LAMA4: variants seen among roughly 807,000 people sequenced by gnomAD.
LAMA4 encodes the protein laminin subunit alpha-4.
A neutral mutation model predicts 207.1 loss-of-function variants in LAMA4; 127 were observed. That is an observed-to-expected ratio of 0.61 (90% CI 0.53 to 0.71). The LOEUF (loss-of-function observed/expected upper bound fraction) is 0.71, where lower values mean the gene tolerates loss of function less well. LAMA4 is among the 30% of genes least tolerant of loss of function. LAMA4 has a pLI of 0.00. For synonymous variants in LAMA4, 761 were observed against 816.0 expected (o/e 0.93, Z 1.15); for missense variants, 2,093 against 2,246.5 (o/e 0.93, Z 1.38).
chr6:112,130,104 G>A (rs1778940320), intron 29 of LAMA4, 64 bp from the exon 30 acceptor site: 3 of 1,407,604 alleles, frequency 2.1e-6, no homozygotes, highest in Non-Finnish European at 3.0e-6. Flanking sequence ...CCCACTCTAG[G>A]TTGGATAAGC....
upstream of LAMA4, chr6:112,254,583 A>C: frequency 3.8e-5 from 8 of 211,710 alleles, no homozygotes; most frequent in Non-Finnish European, 5.7e-5. Context: ...CATTCTCACC[A>C]CTCCCTTTTT....
chr6:112,129,979 C>G lies in LAMA4; in HGVS notation c.4030G>C (p.Glu1344Gln). Residue 1344 changes from glutamate (E) to glutamine (Q), a missense_variant, in exon 30 of 39, where the codon GAA becomes CAA. Physicochemically the swap from Glu to Gln is conservative, Grantham distance 29. Transcript: ENST00000230538. ...TTCTTTTCACTTGCTTGTGTCTGTT[C>G]TATTTTCCCTTTGGTAGGATTCTTA... is the stretch of plus-strand genomic sequence containing the variant. ...GSKNPTKGKI[E>Q]QTQASEKKFY... 4 of 1,613,232 alleles carry G rather than the reference C, an allele frequency of 2.5e-6. No homozygotes were observed. The highest frequency in any genetic ancestry group is 3.4e-6 in the Non-Finnish European group (4 of 1,179,448).
chr6:112,135,375 A>G (rs2114670852), intron 25 of LAMA4, among the ~76,000 whole-genome samples: 1 of 152,242 alleles, frequency 6.6e-6, no homozygotes, highest in African/African-American at 2.4e-5. Flanking sequence ...TTTTTTGGTG[A>G]CACAGTGAGC....
chr6:112,216,979 CT>C (rs1246493726), intron 2 of LAMA4, among the ~76,000 whole-genome samples: 1 of 152,168 alleles, frequency 6.6e-6, no homozygotes, highest in Non-Finnish European at 1.5e-5. Context: ...GCATCTGTTT[CT>C]TCAGATGCTA....
At position 112,108,311 on chromosome 6, in the gene LAMA4, C is replaced by G. The variant is rs1186081376; in HGVS notation, c.*1126G>C. 6.6e-6 allele frequency among the ~76,000 whole-genome samples: 1 copy of G among 152,042 alleles called. No homozygotes were observed. The highest frequency in any genetic ancestry group is 2.4e-5 in the African/African-American group (1 of 41,382). On this transcript the variant is annotated 3_prime_UTR_variant, in exon 39 of 39. Coordinates refer to ENST00000230538, the MANE Select transcript of LAMA4 (RefSeq NM_001105206.3). ...TTCATTTCTATATTTTAATATTCTA[C>G]CAGCTATTCAAGTCCATTTTTTTCT...
intron 11 of LAMA4, among the ~76,000 whole-genome samples, chr6:112,173,874 T>C (rs1384784448): frequency 2.6e-5 from 4 of 152,178 alleles, no homozygotes; most frequent in Non-Finnish European, 4.4e-5. Context: ...GAGTGTGTTC[T>C]AAAATGCATA....
At chr6:112,218,845 G>A (rs1486470564) in intron 2 of LAMA4, 1 of 152,320 alleles carries the variant, frequency 6.6e-6, no homozygotes. Context: ...AGGAGGGCTG[G>A]CAGGGAAACC....
At chr6:112,120,201 G>C in intron 33 of LAMA4, 82 bp downstream of exon 33, 1 of 1,119,326 alleles carries the variant, frequency 8.9e-7, no homozygotes, top group Admixed American at 2.0e-5. Flanking sequence ...GATATTTCTA[G>C]AGAGAGTAAT....
At chr6:112,150,466 T>G in intron 17 of LAMA4, 45 bp downstream of exon 17, 1 of 1,147,158 alleles carries the variant, frequency 8.7e-7, no homozygotes, top group Non-Finnish European at 1.3e-6. Context: ...TACCTTACAC[T>G]CCAGTGAATC....
intron 28 of LAMA4, 145 bp downstream of exon 28, chr6:112,132,608 G>T: frequency 1.3e-6 from 1 of 744,638 alleles, no homozygotes; most frequent in Non-Finnish European, 2.2e-6. Flanking sequence ...TTTATAAAGT[G>T]TTTGAAATGA....
chr6:112,211,728 A>G (rs1258843740), intron 3 of LAMA4, among the ~76,000 whole-genome samples: 1 of 152,220 alleles, frequency 6.6e-6, no homozygotes, highest in Non-Finnish European at 1.5e-5. Flanking sequence ...CTTTCAAGAA[A>G]TCTCAGGTAG....
intron 31 of LAMA4, among the ~76,000 whole-genome samples, chr6:112,127,382 G>A (rs1778760898): frequency 6.6e-6 from 1 of 151,930 alleles, no homozygotes; most frequent in Non-Finnish European, 1.5e-5. Context: ...AACAATTGTA[G>A]AAGGAGGAGA....
chr6:112,164,190 G>A (rs1183324660), intron 13 of LAMA4: 1 of 152,336 alleles, frequency 6.6e-6, no homozygotes, highest in Non-Finnish European at 1.5e-5. Flanking sequence ...AGATATGGTA[G>A]TTAAGGGTAT....
intron 38 of LAMA4, among the ~76,000 whole-genome samples, 153 bp downstream of exon 38, chr6:112,113,923 C>T (rs1393468386): frequency 3.3e-5 from 5 of 152,208 alleles, no homozygotes; most frequent in Admixed American, 3.3e-4. Flanking sequence ...TTACATGTCA[C>T]TTTATTATGC....
Position 112,254,469 on chromosome 6 carries a change from C to A in LAMA4, c.-152G>T. 2.3e-6 allele frequency: 1 copy of A among 429,980 alleles called. No individual in the cohort carries two copies. The highest frequency in any genetic ancestry group is 4.9e-5 in the East Asian group (1 of 20,328). 26.6% of individuals were successfully genotyped at this position (429,980 alleles called of 1,614,324 possible). ...ATGGACGGAGCTTACAGTACGGCAT[C>A]AAAAGGCAGACGGATTGGGGTGAGC... is the stretch of plus-strand genomic sequence containing the variant. On this transcript the variant is annotated 5_prime_UTR_variant, in exon 1 of 39. Coordinates refer to ENST00000230538, the MANE Select transcript of LAMA4 (RefSeq NM_001105206.3).
chr6:112,158,705 T>A (rs986218492), intron 14 of LAMA4, 27 bp downstream of exon 14: 1 of 1,596,560 alleles, frequency 6.3e-7, no homozygotes, highest in Middle Eastern at 1.7e-4. Flanking sequence ...CATGTAGATA[T>A]TTGCATTTCT....
At chr6:112,183,834 C>G (rs1782509240) in intron 9 of LAMA4, among the ~76,000 whole-genome samples, 1 of 151,122 alleles carries the variant, frequency 6.6e-6, no homozygotes, top group Non-Finnish European at 1.5e-5. Context: ...GCCTGTAATC[C>G]CAGCTACCCA....
At chr6:112,232,885 C>T (rs943263924) in intron 2 of LAMA4, among the ~76,000 whole-genome samples, 1 of 152,108 alleles carries the variant, frequency 6.6e-6, no homozygotes, top group Admixed American at 6.5e-5. Context: ...AAAAATTGTG[C>T]TGATTTTAAA....
intron 2 of LAMA4, among the ~76,000 whole-genome samples, chr6:112,222,461 C>T (rs1302012490): frequency 6.6e-6 from 1 of 152,162 alleles, no homozygotes. Context: ...TCCGCCATGC[C>T]TTGCTCAGCT....
Sources: gnomAD v4.1 joint callset for allele counts (sites outside exome capture counted in the v4.1 genomes callset) on GRCh38, gnomAD v4.1.1 for gene constraint, MANE v1.5 for transcripts, NCBI Gene and HGNC (gene_info 2026-07-23, HGNC 2026-07-21) for gene names.